TMTC1: variants seen among roughly 807,000 people sequenced by gnomAD.
The protein encoded by TMTC1 is transmembrane O-mannosyltransferase targeting cadherins 1, also known as protein O-mannosyl-transferase TMTC1.
TMTC1 carries 73 observed loss-of-function variants against 104.8 expected under a neutral mutation model. The ratio of observed to expected loss-of-function variants is 0.70; its 90% CI spans 0.58 to 0.85. The LOEUF is 0.85. TMTC1 is among the 40% of genes least tolerant of loss of function. The probability of loss-of-function intolerance (pLI) is 0.00; values close to 1 mark genes in which losing one functional copy is unlikely to be tolerated. For missense variants in TMTC1, 1,035 were observed against 1,096.1 expected (o/e 0.94, Z 0.79); for synonymous variants, 434 against 428.7 (o/e 1.01, Z -0.15).
chr12:29,514,905 T>TG (rs965677548), intron 15 of TMTC1, among the ~76,000 whole-genome samples: 4 of 150,438 alleles, frequency 2.7e-5, no homozygotes, highest in Non-Finnish European at 4.4e-5. Context: ...TCCCGGCTAC[T>TG]GGGGGGGCTG....
chr12:29,559,377 A>G (rs1278503445), intron 9 of TMTC1, among the ~76,000 whole-genome samples: 1 of 152,200 alleles, frequency 6.6e-6, no homozygotes, highest in Non-Finnish European at 1.5e-5. Context: ...TCATGACCCC[A>G]CTGCCATGTA....
intron 5 of TMTC1, among the ~76,000 whole-genome samples, chr12:29,683,539 T>C (rs1291883192): frequency 6.6e-6 from 1 of 152,244 alleles, no homozygotes; most frequent in Non-Finnish European, 1.5e-5. Context: ...TCTACGTGTG[T>C]ATACGCAAGG....
intron 7 of TMTC1, among the ~76,000 whole-genome samples, chr12:29,603,368 A>G (rs138368869): frequency 1.3e-5 from 2 of 152,146 alleles, no homozygotes; most frequent in East Asian, 3.9e-4. Flanking sequence ...AGGAAAGTTC[A>G]TACTTATAGA....
intron 5 of TMTC1, among the ~76,000 whole-genome samples, chr12:29,674,834 T>G (rs758197965): frequency 3.3e-5 from 5 of 152,166 alleles, no homozygotes; most frequent in Non-Finnish European, 7.4e-5. Context: ...GCCCACAGTG[T>G]TTTCTATTTT....
intron 9 of TMTC1, among the ~76,000 whole-genome samples, chr12:29,563,719 C>A (rs369837522): frequency 6.6e-6 from 1 of 152,144 alleles, no homozygotes; most frequent in Admixed American, 6.5e-5. Context: ...GCATTATGTT[C>A]GTCCAGACTT....
rs1943899134 is a variant in TMTC1, at chr12:29,783,868, G to A, written c.-117C>T. The A allele has an allele frequency of 9.2e-6, 9 of 977,746 alleles. No homozygotes were observed. Among genetic ancestry groups the A allele is most frequent in the South Asian group, 4.9e-5 (1 of 20,602 alleles). 60.6% of individuals were successfully genotyped at this position (977,746 alleles called of 1,614,324 possible). On this transcript the variant is annotated 5_prime_UTR_variant, in exon 1 of 18. Coordinates refer to ENST00000539277, the MANE Select transcript of TMTC1 (RefSeq NM_001193451.2). This position sits in a 1 kb window ranked among gnomAD's most constrained non-coding sequence, Gnocchi z 4.7. ...AGGGGGGCTCGGGCATGGTGCTGCGGCAGCTGGACCCGCCGCGAGCTCCCC... is the reference window on the plus strand; with the variant it reads ...AGGGGGGCTCGGGCATGGTGCTGCGACAGCTGGACCCGCCGCGAGCTCCCC...
chr12:29,699,143 A>G (rs1941507978), intron 5 of TMTC1, among the ~76,000 whole-genome samples: 1 of 152,192 alleles, frequency 6.6e-6, no homozygotes, highest in Non-Finnish European at 1.5e-5. Context: ...GGGAGGAACT[A>G]GGTTTGTGAC....
In TMTC1 at chr12:29,536,259, G is replaced by A; in HGVS notation, c.1735C>T (p.Pro579Ser). The A allele has an allele frequency of 6.2e-7, 1 of 1,613,114 alleles. No individual in the cohort carries two copies. The highest frequency in any genetic ancestry group is 8.5e-7 in the Non-Finnish European group (1 of 1,179,614). Residue 579 changes from proline to serine, a missense_variant, in exon 11 of 18, where the codon CCA becomes TCA. Transcript: ENST00000539277. ...CTTGAATATGCATCTGCAAACTCTG[G>A]ACCATATTTGATGGAATCCTTCAGT... ...TLLKDSIKYG[P>S]EFADAYSSLA...
chr12:29,745,474 T>C (rs1005357667), intron 5 of TMTC1, among the ~76,000 whole-genome samples: 8 of 151,660 alleles, frequency 5.3e-5, no homozygotes, highest in Admixed American at 3.9e-4. Flanking sequence ...AATACAAAAA[T>C]TAGCCAGGCA....
chr12:29,742,925 T>G (rs1798228522), intron 5 of TMTC1, among the ~76,000 whole-genome samples: 1 of 152,204 alleles, frequency 6.6e-6, no homozygotes, highest in African/African-American at 2.4e-5. Context: ...TTTCCTTCAT[T>G]AACACAGCAA....
intron 5 of TMTC1, 126 bp downstream of exon 5, chr12:29,751,540 G>T: frequency 1.1e-6 from 1 of 932,304 alleles, no homozygotes; most frequent in Non-Finnish European, 1.7e-6. Context: ...GGGTAAGGAG[G>T]GAAGCATGAA....
rs368633529 is a variant in TMTC1, at chr12:29,762,043, C to T, written c.481-3266G>A. Among the ~76,000 whole-genome samples the T allele has an allele frequency of 5.3e-5, 8 of 151,936 alleles. No homozygotes were observed. In the South Asian group the frequency reaches 8.3e-4, roughly 16 times the overall value. Reference sequence around the variant, plus strand: ...TCTACCAAAAATACAAATGCCTAGCCGGGTGTGCACCTGTGGTCCCAGCTA... The same window carrying T: ...TCTACCAAAAATACAAATGCCTAGCTGGGTGTGCACCTGTGGTCCCAGCTA... On this transcript the variant is annotated intron_variant, in intron 2 of 17. Transcript: ENST00000539277.
intron 1 of TMTC1, among the ~76,000 whole-genome samples, chr12:29,771,228 A>G (rs1943587702): frequency 1.3e-5 from 2 of 152,216 alleles, no homozygotes; most frequent in African/African-American, 2.4e-5. Context: ...TGACATTCAC[A>G]AAGAGTTTAA....
intron 6 of TMTC1, among the ~76,000 whole-genome samples, chr12:29,607,349 A>G (rs930946677): frequency 6.6e-6 from 1 of 152,214 alleles, no homozygotes. Context: ...TGCTGAATAA[A>G]TCAATTAAGT....
At chr12:29,663,564 T>G (rs1024985204) in intron 5 of TMTC1, among the ~76,000 whole-genome samples, 1 of 151,976 alleles carries the variant, frequency 6.6e-6, no homozygotes. Context: ...TCGCCCAGGC[T>G]AGAGTGTAGT....
chr12:29,610,693 A>G (rs1946822964), intron 6 of TMTC1, among the ~76,000 whole-genome samples: 1 of 152,234 alleles, frequency 6.6e-6, no homozygotes, highest in African/African-American at 2.4e-5. Context: ...TCACACTGCG[A>G]GATGTTTAGG....
At chr12:29,563,862 C>G (rs577564556) in intron 9 of TMTC1, among the ~76,000 whole-genome samples, 2 of 152,310 alleles carry the variant, frequency 1.3e-5, no homozygotes, top group East Asian at 3.9e-4. Context: ...AACCAACGGA[C>G]TCTAATGCAC....
At chr12:29,586,556 G>C (rs1226092632) in intron 7 of TMTC1, among the ~76,000 whole-genome samples, 1 of 152,116 alleles carries the variant, frequency 6.6e-6, no homozygotes. Context: ...CATTCAGTAT[G>C]ATATTGGCGT....
intron 10 of TMTC1, among the ~76,000 whole-genome samples, chr12:29,555,488 CG>C (rs1945217691): frequency 6.7e-6 from 1 of 148,822 alleles, no homozygotes; most frequent in African/African-American, 2.5e-5. Context: ...CCCTACCCCC[CG>C]ACAGGCCCCA....
Sources: gnomAD v4.1 joint callset for allele counts (sites outside exome capture counted in the v4.1 genomes callset) on GRCh38, gnomAD v4.1.1 for gene constraint, Gnocchi (gnomAD v3.1) non-coding constraint, MANE v1.5 for transcripts, NCBI Gene and HGNC (gene_info 2026-07-23, HGNC 2026-07-21) for gene names.